Variants in ANKRD44 observed in about 807,000 individuals in gnomAD.
ANKRD44 encodes ankyrin repeat domain 44.
Under a neutral mutation model 116.0 loss-of-function variants are expected in ANKRD44, and 35 were observed. The observed-to-expected ratio is 0.30, with a 90% CI of 0.23 to 0.40. The LOEUF is 0.40. Among genes scored for constraint, ANKRD44 ranks in the 10% least tolerant of loss-of-function variants. The pLI is 1.00. For missense variants in ANKRD44, 1,014 were observed against 1,242.6 expected, an observed-to-expected ratio of 0.82 and a Z score of 2.77; for synonymous variants, 435 against 461.8, an observed-to-expected ratio of 0.94 and a Z score of 0.74.
At chr2:196,975,628 A>G (rs540773964) in intron 21 of ANKRD44, among the ~76,000 whole-genome samples, 16 of 150,932 alleles carry the variant, frequency 1.1e-4, no homozygotes, top group Non-Finnish European at 2.2e-4. Flanking sequence ...TTTTTTTTAA[A>G]AAAAATACAA....
intron 16 of ANKRD44, among the ~76,000 whole-genome samples, chr2:197,035,894 C>T (rs1231081336): frequency 6.6e-6 from 1 of 152,060 alleles, no homozygotes; most frequent in East Asian, 1.9e-4. Context: ...TGGGAGATCC[C>T]ATAGGCCTTT....
intron 1 of ANKRD44, among the ~76,000 whole-genome samples, chr2:197,273,980 A>AAAAATAT (rs1553546147): frequency 2.3e-5 from 1 of 43,928 alleles, no homozygotes; most frequent in African/African-American, 1.0e-4. Flanking sequence ...AAAAAAAAAA[A>AAAAATAT]ATATATATAT....
chr2:197,022,968 C>T lies in ANKRD44; in HGVS notation c.1722+2228G>A, dbSNP rs150719298. Among the ~76,000 whole-genome samples the T allele has an allele frequency of 1.2e-3, 190 of 152,346 alleles. 1 individual carries two copies. Among genetic ancestry groups the T allele is most frequent in the African/African-American group, 4.5e-3 (185 of 41,572 alleles). Reference sequence around the variant, plus strand: ...GATATTTCCTCGCCTGTTTGTCTCCCCTAGACTGGATACTCTGCAAGGGCA... The same window carrying T: ...GATATTTCCTCGCCTGTTTGTCTCCTCTAGACTGGATACTCTGCAAGGGCA... On this transcript the variant is annotated intron_variant, in intron 17 of 27. Coordinates refer to ENST00000282272, the MANE Select transcript of ANKRD44 (RefSeq NM_001195144.2).
chr2:197,105,099 C>A (rs919425945), intron 9 of ANKRD44, among the ~76,000 whole-genome samples: 3 of 151,594 alleles, frequency 2.0e-5, no homozygotes, highest in African/African-American at 7.3e-5. Flanking sequence ...CAGTGGGGTT[C>A]TTTTGTTGTT....
chr2:197,293,937 T>G (rs2083642991), intron 1 of ANKRD44, among the ~76,000 whole-genome samples: 1 of 152,166 alleles, frequency 6.6e-6, no homozygotes, highest in African/African-American at 2.4e-5. Flanking sequence ...TAAATATAAC[T>G]GCAGAAATGA....
chr2:197,149,833 T>C (rs1432285908), intron 2 of ANKRD44, among the ~76,000 whole-genome samples: 1 of 152,216 alleles, frequency 6.6e-6, no homozygotes, highest in Non-Finnish European at 1.5e-5. Context: ...CTATGTCCTC[T>C]GCCTAGGTAG....
At chr2:197,033,672 T>TG (rs1232153065) in intron 16 of ANKRD44, among the ~76,000 whole-genome samples, 3 of 151,370 alleles carry the variant, frequency 2.0e-5, no homozygotes, top group Non-Finnish European at 4.4e-5. Context: ...GTTGCTTTTT[T>TG]TTTTTTTAAG....
chr2:197,239,727 G>A (rs948474415), intron 1 of ANKRD44, among the ~76,000 whole-genome samples: 5 of 152,104 alleles, frequency 3.3e-5, no homozygotes, highest in Admixed American at 1.3e-4. Context: ...CTGTCCCAAA[G>A]GCAGACTTAA....
chr2:197,056,772 T>C (rs2077211566), intron 16 of ANKRD44, among the ~76,000 whole-genome samples: 1 of 152,348 alleles, frequency 6.6e-6, no homozygotes, highest in South Asian at 2.1e-4. Flanking sequence ...ATAATGACCT[T>C]ATACCCTTAT....
intron 1 of ANKRD44, among the ~76,000 whole-genome samples, chr2:197,242,835 CA>C (rs1174611517): frequency 1.3e-5 from 2 of 152,170 alleles, no homozygotes; most frequent in Non-Finnish European, 2.9e-5. Context: ...CTCTACAGCC[CA>C]AAGGGGAGAA....
intron 14 of ANKRD44, among the ~76,000 whole-genome samples, chr2:197,082,058 A>G (rs944434140): frequency 8.5e-5 from 13 of 152,204 alleles, no homozygotes; most frequent in Admixed American, 5.9e-4. Flanking sequence ...GACTCCTACC[A>G]CATTCCCCAC....
chr2:197,020,329 A>T (rs1351251289), intron 17 of ANKRD44, among the ~76,000 whole-genome samples: 1 of 152,164 alleles, frequency 6.6e-6, no homozygotes, highest in Non-Finnish European at 1.5e-5. Context: ...TAAAATTTCA[A>T]CCCATACTTT....
At chr2:197,204,183 G>A (rs2081154321) in intron 1 of ANKRD44, among the ~76,000 whole-genome samples, 1 of 152,004 alleles carries the variant, frequency 6.6e-6, no homozygotes, top group Non-Finnish European at 1.5e-5. Context: ...ATGAGATGAG[G>A]AAAATGTGGA....
At chr2:197,140,366 G>A (rs924497257) in intron 3 of ANKRD44, among the ~76,000 whole-genome samples, 1 of 151,970 alleles carries the variant, frequency 6.6e-6, no homozygotes, top group African/African-American at 2.4e-5. Flanking sequence ...CTGTCACTCA[G>A]GCTGGAGTGT....
intron 1 of ANKRD44, among the ~76,000 whole-genome samples, chr2:197,269,079 G>GTT (rs1045350910): frequency 7.7e-6 from 1 of 129,302 alleles, no homozygotes; most frequent in African/African-American, 2.5e-5. Flanking sequence ...CTGGTAATGT[G>GTT]TTTTTGTTTT....
At chr2:197,235,912 T>C (rs966309479) in intron 1 of ANKRD44, among the ~76,000 whole-genome samples, 5 of 152,076 alleles carry the variant, frequency 3.3e-5, no homozygotes, top group African/African-American at 1.2e-4. Flanking sequence ...CCCTCAGCAT[T>C]GCGGTGAGGG....
At chr2:197,101,057 T>C (rs1355768164) in intron 9 of ANKRD44, among the ~76,000 whole-genome samples, 2 of 152,226 alleles carry the variant, frequency 1.3e-5, no homozygotes, top group East Asian at 1.9e-4. Context: ...AAATTTAACA[T>C]TCATAAAATA....
Position 196,999,015 on chromosome 2 carries a change from C to G in ANKRD44, c.2557G>C (p.Glu853Gln), listed in dbSNP as rs373847542. ...TGTCTCAGAAGAAGCTGCAAGCACT[C>G]CACATGATCAGCAAATGCTGCCGCA... is the stretch of plus-strand genomic sequence containing the variant. ...LHAAAFADHV[E>Q]CLQLLLRHSA... Residue 853 changes from glutamate (E) to glutamine (Q), a missense_variant, in exon 24 of 28, where the codon GAG becomes CAG. Transcript: ENST00000282272. The G allele has an allele frequency of 1.2e-5, 20 of 1,614,026 alleles. No homozygotes were observed. In the African/African-American group the frequency reaches 2.5e-4, roughly 20 times the overall value.
chr2:197,116,976 G>C (rs1406585363), intron 8 of ANKRD44, among the ~76,000 whole-genome samples: 1 of 152,168 alleles, frequency 6.6e-6, no homozygotes, highest in Non-Finnish European at 1.5e-5. Flanking sequence ...TCATGTGGCA[G>C]ATATTATTCT....
Sources: allele counts gnomAD v4.1 joint callset (sites outside exome capture counted in the v4.1 genomes callset), GRCh38; gene constraint gnomAD v4.1.1; transcripts MANE v1.5; gene names NCBI Gene and HGNC (gene_info 2026-07-23, HGNC 2026-07-21).